FAM114A1: variants seen among roughly 807,000 people sequenced by gnomAD.
FAM114A1 encodes the protein family with sequence similarity 114 member A1.
Under a neutral mutation model 64.3 loss-of-function variants are expected in FAM114A1, and 62 were observed. That is an observed-to-expected ratio of 0.96 (90% CI 0.79 to 1.19). The LOEUF (loss-of-function observed/expected upper bound fraction) is 1.19, where lower values mean the gene tolerates loss of function less well. Ranked by LOEUF, FAM114A1 falls within the 50% of genes most tolerant of loss-of-function variation. FAM114A1 has a pLI of 0.00. For synonymous variants in FAM114A1, 254 were observed against 251.1 expected, an observed-to-expected ratio of 1.01 and a Z score of -0.11; for missense variants, 645 against 676.3, an observed-to-expected ratio of 0.95 and a Z score of 0.51.
chr4:38,895,771 G>A (rs553330720), intron 4 of FAM114A1, among the ~76,000 whole-genome samples: 1 of 152,294 alleles, frequency 6.6e-6, no homozygotes, highest in South Asian at 2.1e-4. Flanking sequence ...AGCCTATTGC[G>A]CCGAGGCTGC....
At chr4:38,924,492 G>T (rs574305145) in intron 9 of FAM114A1, among the ~76,000 whole-genome samples, 2 of 152,092 alleles carry the variant, frequency 1.3e-5, no homozygotes, top group Non-Finnish European at 2.9e-5. Flanking sequence ...TGTTCAGGGC[G>T]AAATTATTCT....
intron 9 of FAM114A1, among the ~76,000 whole-genome samples, chr4:38,928,945 G>C (rs1720385832): frequency 6.6e-6 from 1 of 152,212 alleles, no homozygotes; most frequent in East Asian, 1.9e-4. Context: ...ACCTACAGCT[G>C]TGAACAAGAC....
chr4:38,921,796 G>A (rs1433564166), intron 8 of FAM114A1, among the ~76,000 whole-genome samples: 1 of 152,168 alleles, frequency 6.6e-6, no homozygotes, highest in East Asian at 1.9e-4. Context: ...CACTCCTTTA[G>A]CCTGCAAGAT....
chr4:38,906,025 C>T (rs1242058279), intron 6 of FAM114A1, among the ~76,000 whole-genome samples, 164 bp downstream of exon 6: 1 of 151,848 alleles, frequency 6.6e-6, no homozygotes, highest in Non-Finnish European at 1.5e-5. Flanking sequence ...GTAGACGTAA[C>T]CTTGGATTCA....
rs1719805337 is a variant in FAM114A1 at position 38,923,385 on chromosome 4, G to A, written c.1069+492G>A. On this transcript the variant is annotated intron_variant, in intron 9 of 14. Transcript: ENST00000358869. ...ATACAGGCGCTTGCCACCACGCCCA[G>A]CTAATTTTTGTATTTTTAGTAGAGA... 2.6e-5 allele frequency among the ~76,000 whole-genome samples: 4 copies of A among 151,962 alleles called. No individual in the cohort carries two copies. The South Asian group carries it at 8.3e-4, about 32-fold the overall frequency.
At chr4:38,895,296 G>A (rs376801721) in intron 4 of FAM114A1, among the ~76,000 whole-genome samples, 1 of 152,182 alleles carries the variant, frequency 6.6e-6, no homozygotes, top group East Asian at 1.9e-4. Flanking sequence ...TTATTGACCA[G>A]GGCTCACTTT....
intron 13 of FAM114A1, chr4:38,938,766 C>G (rs1721317562): frequency 6.6e-6 from 1 of 152,198 alleles, no homozygotes; most frequent in African/African-American, 2.4e-5. Flanking sequence ...TCAAGCCTCT[C>G]AGTAGATCTC....
rs748052650 is a variant in FAM114A1, at chr4:38,918,149, AG to A, written c.945+3078del. ...TGAGGCAGGAGAAACACTTGAACCC[AG>A]GATGTGGAGGTTGTGGTGAGCCGAG... On this transcript the variant is annotated intron_variant, in intron 8 of 14. Transcript: ENST00000358869. Among the ~76,000 whole-genome samples, 19 of 152,186 alleles carry A rather than the reference AG, an allele frequency of 1.2e-4. No individual in the cohort carries two copies. The East Asian group carries it at 3.1e-3, about 25-fold the overall frequency.
intron 8 of FAM114A1, among the ~76,000 whole-genome samples, chr4:38,915,635 C>T (rs1355017817): frequency 2.6e-5 from 4 of 152,084 alleles, no homozygotes; most frequent in African/African-American, 9.7e-5. Context: ...CCCAGCCTAC[C>T]CAATGGCCCT....
At chr4:38,912,485 A>T (rs572367011) in intron 7 of FAM114A1, among the ~76,000 whole-genome samples, 3 of 152,246 alleles carry the variant, frequency 2.0e-5, no homozygotes, top group Admixed American at 6.5e-5. Context: ...CTTGGCTTCA[A>T]GTGATTCTCC....
At chr4:38,868,294 G>C (rs1713660343) in intron 1 of FAM114A1, 104 bp from the exon 2 acceptor site, 1 of 154,822 alleles carries the variant, frequency 6.5e-6, no homozygotes, top group Admixed American at 6.5e-5. Context: ...GCAGGTCCCT[G>C]TAAGACAGAG....
intron 7 of FAM114A1, among the ~76,000 whole-genome samples, chr4:38,912,671 C>A (rs143104239): frequency 6.6e-6 from 1 of 152,152 alleles, no homozygotes; most frequent in South Asian, 2.1e-4. Context: ...CGTGAGCCAC[C>A]GCGCCTGGCC....
intron 6 of FAM114A1, among the ~76,000 whole-genome samples, 159 bp downstream of exon 6, chr4:38,906,020 C>T (rs543509256): frequency 2.6e-5 from 4 of 152,006 alleles, no homozygotes; most frequent in South Asian, 4.2e-4. Context: ...ACAAAGTAGA[C>T]GTAACCTTGG....
intron 3 of FAM114A1, among the ~76,000 whole-genome samples, chr4:38,879,901 C>T (rs1381792066): frequency 1.3e-5 from 2 of 151,904 alleles, no homozygotes; most frequent in African/African-American, 4.8e-5. Flanking sequence ...AACCCTGTCT[C>T]TACGAAAAAT....
At chr4:38,887,886 A>G (rs914012970) in intron 3 of FAM114A1, among the ~76,000 whole-genome samples, 19 of 152,208 alleles carry the variant, frequency 1.2e-4, no homozygotes, top group African/African-American at 3.6e-4. Context: ...TAGCGTAGCT[A>G]TGTCATGAGT....
At chr4:38,893,408 T>G (rs16994899) in intron 4 of FAM114A1, among the ~76,000 whole-genome samples, 9,940 of 152,306 alleles carry the variant, frequency 0.065, 565 homozygotes, top group African/African-American at 0.16. Context: ...TTTAACCGCA[T>G]CCAAACCACT....
intron 13 of FAM114A1, among the ~76,000 whole-genome samples, chr4:38,940,281 C>A (rs1358290519): frequency 2.6e-5 from 4 of 151,994 alleles, no homozygotes; most frequent in Non-Finnish European, 5.9e-5. Flanking sequence ...GATCTGCAGA[C>A]CTGTTTTCAA....
At chr4:38,876,104 CA>C in intron 2 of FAM114A1, among the ~76,000 whole-genome samples, 1 of 132,850 alleles carries the variant, frequency 7.5e-6, no homozygotes, top group African/African-American at 2.8e-5. Flanking sequence ...AAAGATGTTA[CA>C]AAGCTAAATG....
At chr4:38,913,656 C>G (rs1256652716) in intron 7 of FAM114A1, among the ~76,000 whole-genome samples, 3 of 152,024 alleles carry the variant, frequency 2.0e-5, no homozygotes, top group Non-Finnish European at 4.4e-5. Flanking sequence ...TCCCGAAGTA[C>G]TAGAATTACA....
Sources: allele counts gnomAD v4.1 joint callset (sites outside exome capture counted in the v4.1 genomes callset), GRCh38; gene constraint gnomAD v4.1.1; transcripts MANE v1.5; gene names NCBI Gene and HGNC (gene_info 2026-07-23, HGNC 2026-07-21).